Variants in POU6F2 observed in about 807,000 individuals in gnomAD.
The protein encoded by POU6F2 is POU domain, class 6, transcription factor 2.
In POU6F2, 31 loss-of-function variants were observed where a neutral mutation model predicts 71.3. That is an observed-to-expected ratio of 0.43 (90% confidence interval 0.33 to 0.59). POU6F2 has a LOEUF of 0.59. Ranked by LOEUF, POU6F2 falls within the 20% of genes least tolerant of loss-of-function variation. The pLI is 0.04. For synonymous variants in POU6F2, 347 were observed against 355.7 expected (o/e 0.98, Z 0.27); for missense variants, 783 against 856.8 (o/e 0.91, Z 1.07).
Position 39,213,171 on chromosome 7 carries a change from A to G in POU6F2, c.598+5551A>G, listed in dbSNP as rs77553866. ...CATTTAAATTAATGACCAAAAATAC[A>G]TTAAAGAGTGCTGCTAAACCTGAAC... On this transcript the variant is annotated intron_variant, in intron 4 of 9. Transcript: ENST00000518318. Among the ~76,000 whole-genome samples the G allele has an allele frequency of 4.2e-3, 633 of 152,326 alleles. 5 individuals carry two copies. Among genetic ancestry groups the G allele is most frequent in the African/African-American group, 0.015 (613 of 41,572 alleles).
intron 1 of POU6F2, among the ~76,000 whole-genome samples, chr7:38,988,674 G>A (rs1025661212): frequency 1.3e-5 from 2 of 152,062 alleles, no homozygotes; most frequent in Non-Finnish European, 2.9e-5. Context: ...TAATCCTCAC[G>A]CCAGGTCTGT....
intron 5 of POU6F2, among the ~76,000 whole-genome samples, chr7:39,387,774 T>C (rs909097075): frequency 3.3e-5 from 5 of 152,196 alleles, no homozygotes; most frequent in African/African-American, 4.8e-5. Flanking sequence ...TAATCAATCA[T>C]TGATGGAGTC....
chr7:39,091,691 T>C (rs1200562107), intron 2 of POU6F2, among the ~76,000 whole-genome samples: 1 of 152,214 alleles, frequency 6.6e-6, no homozygotes, highest in Non-Finnish European at 1.5e-5. Context: ...GCATTCCAGA[T>C]TCAAGCTCCC....
At chr7:39,432,157 C>A (rs541141758) in intron 6 of POU6F2, among the ~76,000 whole-genome samples, 4 of 152,192 alleles carry the variant, frequency 2.6e-5, no homozygotes, top group East Asian at 1.9e-4. Flanking sequence ...ATTCATGGTG[C>A]CTTTCTCCTT....
chr7:39,191,935 G>T (rs1793678769), intron 2 of POU6F2, among the ~76,000 whole-genome samples: 1 of 152,140 alleles, frequency 6.6e-6, no homozygotes, highest in South Asian at 2.1e-4. Flanking sequence ...AAGGAAAAAA[G>T]TCTCCAACAA....
intron 2 of POU6F2, among the ~76,000 whole-genome samples, chr7:39,181,598 G>A (rs955329582): frequency 6.6e-6 from 1 of 152,154 alleles, no homozygotes; most frequent in African/African-American, 2.4e-5. Flanking sequence ...GCAGATTGGA[G>A]CCACAGAAAA....
chr7:39,060,662 C>T (rs1031350647), intron 1 of POU6F2, among the ~76,000 whole-genome samples: 6 of 152,086 alleles, frequency 3.9e-5, no homozygotes, highest in Admixed American at 6.6e-5. Context: ...TGTAGCTAGA[C>T]GCAGAAAGTA....
chr7:39,062,790 G>A (rs1790684495), intron 1 of POU6F2, among the ~76,000 whole-genome samples: 1 of 151,422 alleles, frequency 6.6e-6, no homozygotes, highest in Non-Finnish European at 1.5e-5. Flanking sequence ...ATTGACTCAT[G>A]CCTGTAATCC....
At chr7:39,040,582 A>G (rs983659583) in intron 1 of POU6F2, among the ~76,000 whole-genome samples, 4 of 151,916 alleles carry the variant, frequency 2.6e-5, no homozygotes, top group Non-Finnish European at 4.4e-5. Context: ...AACAACTGGA[A>G]AAAAATGTAG....
chr7:39,445,453 G>C (rs1788502456), intron 7 of POU6F2, among the ~76,000 whole-genome samples: 1 of 152,098 alleles, frequency 6.6e-6, no homozygotes, highest in African/African-American at 2.4e-5. Context: ...CATACTTTCT[G>C]TGCATTCTGT....
rs1352067397 is a variant in POU6F2, at chr7:39,464,441, C to T, written c.1918C>T (p.Arg640Cys). 1 of 1,613,868 alleles carries T rather than the reference C, an allele frequency of 6.2e-7. No homozygotes were observed. Among genetic ancestry groups the T allele is most frequent in the Admixed American group, 1.7e-5 (1 of 60,004 alleles). ...TGAACCATCCAAAAAGCGCAAGCGG[C>T]GCACCTCCTTCACACCCCAGGCCCT... The part of the protein sequence containing the change: ...GSEPSKKRKR[R>C]TSFTPQALEI... Residue 640 changes from arginine (R) to cysteine (C), a missense_variant, in exon 10 of 10, where the codon CGC becomes TGC. Physicochemically the swap from Arg to Cys is radical, Grantham distance 180. Around this residue, in one of 2 missense-constraint regions of POU6F2, gnomAD observed 211 missense variants for 283.9 expected, o/e 0.74. Coordinates refer to ENST00000518318, the MANE Select transcript of POU6F2 (RefSeq NM_001370959.1). The surrounding 1 kb of genome is among the most constrained non-coding windows in gnomAD (Gnocchi z 4.1).
intron 2 of POU6F2, among the ~76,000 whole-genome samples, chr7:39,133,291 CAG>C (rs893794454): frequency 3.9e-5 from 6 of 152,322 alleles, no homozygotes; most frequent in Admixed American, 2.0e-4. Flanking sequence ...GTCCCCTTGT[CAG>C]AGAGCGGCAG....
intron 6 of POU6F2, 59 bp downstream of exon 6, chr7:39,406,799 T>C: frequency 6.3e-7 from 1 of 1,589,758 alleles, no homozygotes. Context: ...CGGAAAGGAA[T>C]TGAATTTCTT....
At position 39,185,462 on chromosome 7, in the gene POU6F2, A is replaced by G. The variant is rs992661254; in HGVS notation, c.278-18773A>G. Among the ~76,000 whole-genome samples, 4 of 152,176 alleles carry G rather than the reference A, an allele frequency of 2.6e-5. No individual in the cohort carries two copies. In the East Asian group the frequency reaches 7.7e-4, roughly 29 times the overall value. ...ATATAATGCTAATGACTTAAAACCG[A>G]AGTTTATGAAGGATATGTCTAAAAA... On this transcript the variant is annotated intron_variant, in intron 2 of 9. Transcript: ENST00000518318.
intron 1 of POU6F2, among the ~76,000 whole-genome samples, chr7:39,050,270 T>A (rs1374264091): frequency 6.6e-6 from 1 of 152,024 alleles, no homozygotes; most frequent in South Asian, 2.1e-4. Context: ...GGTCAGCCAA[T>A]GATTAGTGAG....
chr7:39,103,977 G>T (rs1791625865), intron 2 of POU6F2, among the ~76,000 whole-genome samples: 1 of 152,170 alleles, frequency 6.6e-6, no homozygotes, highest in Non-Finnish European at 1.5e-5. Context: ...TGGGAAAAGG[G>T]GTAGGACCAG....
At chr7:39,318,995 A>T in intron 4 of POU6F2, among the ~76,000 whole-genome samples, 1 of 152,122 alleles carries the variant, frequency 6.6e-6, no homozygotes, top group Non-Finnish European at 1.5e-5. Context: ...TTAAAAAATT[A>T]GTTGGATGTG....
At chr7:39,126,233 G>A (rs189535734) in intron 2 of POU6F2, among the ~76,000 whole-genome samples, 2 of 152,348 alleles carry the variant, frequency 1.3e-5, no homozygotes, top group Admixed American at 1.3e-4. Context: ...CTGTGGGCAT[G>A]CTTATAAATC....
chr7:39,265,403 G>A (rs1383326792), intron 4 of POU6F2, among the ~76,000 whole-genome samples: 2 of 152,182 alleles, frequency 1.3e-5, no homozygotes, highest in Non-Finnish European at 2.9e-5. Context: ...GAAAACCAGA[G>A]TTTCCCAAAT....
Sources: allele counts gnomAD v4.1 joint callset (sites outside exome capture counted in the v4.1 genomes callset), GRCh38; gene constraint gnomAD v4.1.1; regional missense constraint gnomAD v4.1.1; non-coding constraint Gnocchi (gnomAD v3.1); transcripts MANE v1.5; gene names NCBI Gene and HGNC (gene_info 2026-07-23, HGNC 2026-07-21).